Variants in SEMA3A observed in about 807,000 individuals in gnomAD.
SEMA3A encodes semaphorin-3A.
In SEMA3A, 29 loss-of-function variants were observed where a neutral mutation model predicts 97.9. That is an observed-to-expected ratio of 0.30 (90% CI 0.22 to 0.40). SEMA3A has a LOEUF of 0.40. Ranked by LOEUF, SEMA3A falls within the 10% of genes least tolerant of loss-of-function variation. The pLI is 1.00. For synonymous variants in SEMA3A, 321 were observed against 323.7 expected (o/e 0.99, Z 0.09); for missense variants, 763 against 951.3 (o/e 0.80, Z 2.60).
intron 3 of SEMA3A, among the ~76,000 whole-genome samples, chr7:84,288,698 A>AAAAACAAAAC (rs1378012923): frequency 6.6e-6 from 1 of 152,162 alleles, no homozygotes; most frequent in Admixed American, 6.6e-5. Context: ...ACTCCATCAA[A>AAAAACAAAAC]AAAACAAAAC....
At chr7:84,226,831 T>C (rs968966457) in intron 3 of SEMA3A, among the ~76,000 whole-genome samples, 1 of 152,116 alleles carries the variant, frequency 6.6e-6, no homozygotes, top group African/African-American at 2.4e-5. Flanking sequence ...TATTATTCTA[T>C]TCCTAATGGC....
chr7:84,133,201 G>C (rs949268040), intron 2 of SEMA3A, among the ~76,000 whole-genome samples: 1 of 152,202 alleles, frequency 6.6e-6, no homozygotes, highest in East Asian at 1.9e-4. Context: ...TACCCGAAGT[G>C]ATTTTTAAAG....
upstream of SEMA3A, among the ~76,000 whole-genome samples, chr7:84,199,912 A>T (rs924710768): frequency 5.9e-5 from 9 of 152,246 alleles, 1 homozygote; most frequent in Admixed American, 1.3e-4. Context: ...ATGTTTAAGA[A>T]ATTAAGTTAA....
At chr7:84,151,685 A>G (rs1337229842) in intron 1 of SEMA3A, among the ~76,000 whole-genome samples, 1 of 152,218 alleles carries the variant, frequency 6.6e-6, no homozygotes, top group Non-Finnish European at 1.5e-5. Context: ...AAAAGACAAA[A>G]TTGACAAATG....
At chr7:84,436,385 C>A (rs971217309) in intron 1 of SEMA3A, among the ~76,000 whole-genome samples, 1 of 152,024 alleles carries the variant, frequency 6.6e-6, no homozygotes, top group Non-Finnish European at 1.5e-5. Context: ...ATCAACAGTG[C>A]AAACAGACAA....
chr7:84,151,536 G>C (rs1167536070), intron 1 of SEMA3A, among the ~76,000 whole-genome samples: 2 of 151,852 alleles, frequency 1.3e-5, no homozygotes, highest in African/African-American at 4.8e-5. Context: ...GGGAAGTTTA[G>C]AGAAAAAAGA....
At chr7:84,059,612 T>C (rs899929163) in intron 5 of SEMA3A, among the ~76,000 whole-genome samples, 5 of 151,890 alleles carry the variant, frequency 3.3e-5, no homozygotes, top group African/African-American at 4.8e-5. Context: ...TTCATTTTGT[T>C]GTGCTATTAA....
intron 2 of SEMA3A, among the ~76,000 whole-genome samples, chr7:84,132,644 T>C (rs976320474): frequency 1.3e-5 from 2 of 150,546 alleles, no homozygotes; most frequent in African/African-American, 4.9e-5. Flanking sequence ...ATATCTAATT[T>C]TTCTTCATCG....
At chr7:84,276,143 C>T (rs1443357248) in intron 3 of SEMA3A, among the ~76,000 whole-genome samples, 2 of 152,016 alleles carry the variant, frequency 1.3e-5, no homozygotes, top group African/African-American at 4.8e-5. Context: ...TTCTTTAATT[C>T]TTTCGTTTAT....
At chr7:84,424,503 T>C (rs1436611188) in intron 1 of SEMA3A, among the ~76,000 whole-genome samples, 1 of 91,122 alleles carries the variant, frequency 1.1e-5, no homozygotes, top group Non-Finnish European at 1.9e-5. Flanking sequence ...TAATATATAA[T>C]ATATAAATAT....
chr7:84,274,201 A>C lies in SEMA3A; in HGVS notation c.-83+33006T>G, dbSNP rs113964542. Among the ~76,000 whole-genome samples the C allele has an allele frequency of 3.3e-5, 5 of 151,932 alleles. 1 individual carries two copies. The highest frequency in any genetic ancestry group is 1.2e-4 in the African/African-American group (5 of 41,548). On this transcript the variant is annotated intron_variant, in intron 3 of 3. Coordinates refer to the SEMA3A transcript ENST00000424555. ...CATGTAACTTGTCCCAGGTGAACCG[A>C]AAGTGCATGATCCACTTTGTGGTTT...
At chr7:84,224,203 A>C (rs1456232256) in intron 3 of SEMA3A, among the ~76,000 whole-genome samples, 2 of 151,988 alleles carry the variant, frequency 1.3e-5, no homozygotes, top group Non-Finnish European at 2.9e-5. Flanking sequence ...AGGATAGAGG[A>C]GAGCATTAAA....
intron 5 of SEMA3A, among the ~76,000 whole-genome samples, chr7:84,060,061 T>C (rs1443441331): frequency 2.0e-5 from 3 of 152,144 alleles, no homozygotes; most frequent in Non-Finnish European, 4.4e-5. Flanking sequence ...TCACATCAAA[T>C]ATTTTGTTAG....
At chr7:84,136,924 G>C (rs925283768) in intron 1 of SEMA3A, among the ~76,000 whole-genome samples, 10 of 150,278 alleles carry the variant, frequency 6.7e-5, no homozygotes, top group African/African-American at 2.2e-4. Flanking sequence ...AAAGAAGAAG[G>C]GGAGGAAGGA....
Position 84,060,493 on chromosome 7 carries a change from A to G in SEMA3A, c.519T>C (p.Pro173=), listed in dbSNP as rs1411333127. Residue 173 remains proline (P), a synonymous_variant, in exon 5 of 17, where the codon CCT becomes CCC. Transcript: ENST00000265362. The part of the protein sequence containing the change: ...ENGRGKSPYD[P]KLLTASLLID... Reference sequence around the variant, plus strand: ...TTAAAAGGGATGCTGTCAGCAGCTTAGGGTCATATGGACTCTTCCCACGGC... The same window carrying G: ...TTAAAAGGGATGCTGTCAGCAGCTTGGGGTCATATGGACTCTTCCCACGGC... 3.1e-6 allele frequency: 5 copies of G among 1,596,044 alleles called. No individual in the cohort carries two copies. Among genetic ancestry groups the G allele is most frequent in the Non-Finnish European group, 3.4e-6 (4 of 1,173,346 alleles).
At chr7:84,060,096 T>G (rs1189513041) in intron 5 of SEMA3A, among the ~76,000 whole-genome samples, 2 of 152,152 alleles carry the variant, frequency 1.3e-5, no homozygotes, top group East Asian at 3.9e-4. Flanking sequence ...AAGAGCTAAT[T>G]TCATAAAAGG....
intron 1 of SEMA3A, among the ~76,000 whole-genome samples, chr7:84,397,717 G>C (rs150790567): frequency 6.6e-6 from 1 of 151,996 alleles, no homozygotes; most frequent in African/African-American, 2.4e-5. Context: ...CAGATACATA[G>C]GGACAGGTAA....
At chr7:84,441,237 T>C (rs1024367231) in intron 1 of SEMA3A, among the ~76,000 whole-genome samples, 5 of 151,582 alleles carry the variant, frequency 3.3e-5, no homozygotes, top group Admixed American at 6.6e-5. Context: ...ACAGACCTAC[T>C]AGACACTTTA....
intron 3 of SEMA3A, among the ~76,000 whole-genome samples, chr7:84,115,471 C>G (rs1795396443): frequency 6.6e-6 from 1 of 151,990 alleles, no homozygotes; most frequent in African/African-American, 2.4e-5. Context: ...GCACTATAGA[C>G]CATGCTATTA....
Sources: allele counts gnomAD v4.1 joint callset (sites outside exome capture counted in the v4.1 genomes callset), GRCh38; gene constraint gnomAD v4.1.1; transcripts MANE v1.5; gene names NCBI Gene and HGNC (gene_info 2026-07-23, HGNC 2026-07-21).